SNX8: variants seen among roughly 807,000 people sequenced by gnomAD.
SNX8 encodes sorting nexin 8.
Under a neutral mutation model 51.6 loss-of-function variants are expected in SNX8, and 25 were observed. The ratio of observed to expected loss-of-function variants is 0.48; its 90% confidence interval spans 0.35 to 0.68. The LOEUF is 0.68. Among genes scored for constraint, SNX8 ranks in the 30% least tolerant of loss-of-function variants. The pLI, the probability that SNX8 is intolerant of heterozygous loss-of-function variation, is 0.00. For missense variants in SNX8, 695 were observed against 624.0 expected (o/e 1.11, Z -1.21); for synonymous variants, 324 against 277.0 (o/e 1.17, Z -1.68).
intron 3 of SNX8, among the ~76,000 whole-genome samples, chr7:2,272,645 A>G (rs1307752906): frequency 1.3e-5 from 2 of 150,788 alleles, no homozygotes; most frequent in African/African-American, 4.9e-5. Flanking sequence ...CAAAGTGCTG[A>G]TATTACAGGC....
At chr7:2,323,150 T>C (rs752303335) in intron 1 of SNX8, among the ~76,000 whole-genome samples, 32 of 151,700 alleles carry the variant, frequency 2.1e-4, no homozygotes, top group Non-Finnish European at 4.3e-4. Context: ...GCCAATACGG[T>C]GAAACCCCAT....
At chr7:2,310,173 C>T (rs559003775) in intron 1 of SNX8, among the ~76,000 whole-genome samples, 4 of 152,172 alleles carry the variant, frequency 2.6e-5, no homozygotes, top group Middle Eastern at 6.8e-3. Flanking sequence ...TCAGGCTGGA[C>T]GACCAAGCAC....
intron 1 of SNX8, among the ~76,000 whole-genome samples, chr7:2,344,999 C>A (rs958148397): frequency 6.6e-6 from 1 of 152,170 alleles, no homozygotes; most frequent in Non-Finnish European, 1.5e-5. Context: ...AATATTCCCA[C>A]ACTGCTGGAG....
intron 1 of SNX8, among the ~76,000 whole-genome samples, chr7:2,352,622 G>T (rs1313405979): frequency 3.9e-5 from 6 of 151,912 alleles, no homozygotes; most frequent in Non-Finnish European, 8.8e-5. Flanking sequence ...CACAAGGTCA[G>T]GAGATCGAGA....
chr7:2,344,611 C>A (rs369917507), intron 1 of SNX8, among the ~76,000 whole-genome samples: 169 of 134,200 alleles, frequency 1.3e-3, no homozygotes, highest in Admixed American at 1.8e-3. Context: ...GACTCCAACT[C>A]AAAAAAAAAA....
At chr7:2,322,323 A>G (rs923387172) in intron 1 of SNX8, among the ~76,000 whole-genome samples, 9 of 152,284 alleles carry the variant, frequency 5.9e-5, no homozygotes, top group Admixed American at 3.3e-4. Context: ...GCTTCAGTCC[A>G]GGAGGTGGAA....
intron 1 of SNX8, among the ~76,000 whole-genome samples, chr7:2,336,390 G>A (rs759192092): frequency 5.5e-4 from 83 of 151,292 alleles, no homozygotes; most frequent in Admixed American, 9.9e-4. Flanking sequence ...ACTTCAGCCT[G>A]TCTCAAAAAT....
At chr7:2,291,804 T>G (rs1796158165) in intron 1 of SNX8, among the ~76,000 whole-genome samples, 1 of 152,142 alleles carries the variant, frequency 6.6e-6, no homozygotes, top group African/African-American at 2.4e-5. Flanking sequence ...TTCACTCTCC[T>G]TTTTGAACCT....
intron 1 of SNX8, among the ~76,000 whole-genome samples, chr7:2,312,590 T>G (rs575828384): frequency 9.9e-4 from 151 of 152,240 alleles, no homozygotes; most frequent in African/African-American, 3.6e-3. Flanking sequence ...AGACACAGTC[T>G]TCACATCGAG....
At chr7:2,258,008 C>CTT (rs59062161) in intron 7 of SNX8, among the ~76,000 whole-genome samples, 4,698 of 126,590 alleles carry the variant, frequency 0.037, 270 homozygotes, top group African/African-American at 0.1. Context: ...GCCCAGCAGT[C>CTT]TTTTTTTTTT....
rs1404372188 is a variant in SNX8, at chr7:2,267,537, C to T, written c.621+2022G>A. On this transcript the variant is annotated intron_variant, in intron 5 of 10. Coordinates refer to ENST00000222990, the MANE Select transcript of SNX8 (RefSeq NM_013321.4). ...CTGTGTTGGCCGGGCCGGTCTCCAG[C>T]CCCTAACCGCGAGTGATCCGCCAAC... 3.0e-5 allele frequency among the ~76,000 whole-genome samples: 4 copies of T among 132,882 alleles called. No homozygotes were observed. The Admixed American group carries it at 3.1e-4, about 10-fold the overall frequency. The allele number at this position is 132,882 out of a possible 152,430, so 87.2% of individuals were successfully genotyped here.
chr7:2,330,198 C>T (rs1174197578), intron 1 of SNX8, among the ~76,000 whole-genome samples: 12 of 136,762 alleles, frequency 8.8e-5, no homozygotes, highest in Non-Finnish European at 1.5e-4. Flanking sequence ...AGTGCAGTGG[C>T]GGCATCTCGG....
rs190813192 is a variant in SNX8 at position 2,313,189 on chromosome 7, G to A, written c.94+1139C>T. On this transcript the variant is annotated intron_variant, in intron 1 of 10. Coordinates refer to ENST00000222990, the MANE Select transcript of SNX8 (RefSeq NM_013321.4). ...GCTGAGATTACAAGCGTGAGCCACC[G>A]TGCCCAGCCATGTTTAGCCTCATTA... is the stretch of plus-strand genomic sequence containing the variant. 2.8e-3 allele frequency among the ~76,000 whole-genome samples: 421 copies of A among 151,992 alleles called. 1 individual carries two copies. Among genetic ancestry groups the A allele is most frequent in the African/African-American group, 9.5e-3 (395 of 41,500 alleles).
intron 7 of SNX8, among the ~76,000 whole-genome samples, chr7:2,258,050 G>A (rs1469684836): frequency 5.7e-5 from 8 of 140,946 alleles, no homozygotes; most frequent in Middle Eastern, 3.8e-3. Context: ...TCGCTCTGTC[G>A]CCCAGGCTGG....
chr7:2,337,851 G>GGAAAA (rs1391044621), intron 1 of SNX8, among the ~76,000 whole-genome samples: 1 of 53,096 alleles, frequency 1.9e-5, no homozygotes, highest in Non-Finnish European at 4.9e-5. Context: ...AGGATATCTT[G>GGAAAA]TAAAAAAAAA....
At chr7:2,283,330 C>A (rs1214661161) in intron 1 of SNX8, among the ~76,000 whole-genome samples, 20 of 152,322 alleles carry the variant, frequency 1.3e-4, no homozygotes, top group Admixed American at 1.1e-3. Context: ...CCGCCCCGGA[C>A]TGGCCCGCAC....
At chr7:2,266,932 A>G (rs1795477067) in intron 5 of SNX8, among the ~76,000 whole-genome samples, 1 of 152,290 alleles carries the variant, frequency 6.6e-6, no homozygotes, top group Admixed American at 6.5e-5. Flanking sequence ...AACAAATGTA[A>G]CAATGAATCC....
intron 1 of SNX8, among the ~76,000 whole-genome samples, chr7:2,346,938 A>G (rs1025600399): frequency 8.0e-5 from 12 of 149,782 alleles, no homozygotes; most frequent in East Asian, 7.8e-4. Flanking sequence ...AAAAAAAAAA[A>G]AAAGAAAAAA....
At position 2,256,998 on chromosome 7, in the gene SNX8, T is replaced by A. The variant is rs138040233; in HGVS notation, c.1160A>T (p.Glu387Val). The A allele has an allele frequency of 1.9e-6, 3 of 1,610,702 alleles. No individual in the cohort carries two copies. The highest frequency in any genetic ancestry group is 2.5e-6 in the Non-Finnish European group (3 of 1,178,168). The stretch of plus-strand genomic sequence containing the variant: ...GTACAGGGAGAAGTAGTTCCGCAGC[T>A]CCATCGTCTGAATCGCGTTCTCCTG... ...VEQENAIQTM[E>V]LRNYFSLYCL... Residue 387 changes from glutamate (E) to valine (V), a missense_variant, in exon 10 of 11, where the codon GAG (glutamate) becomes GTG (valine). Glu to Val is a moderately radical substitution (Grantham distance 121). Transcript: ENST00000222990.
Sources: gnomAD v4.1 joint callset for allele counts (sites outside exome capture counted in the v4.1 genomes callset) on GRCh38, gnomAD v4.1.1 for gene constraint, MANE v1.5 for transcripts, NCBI Gene and HGNC (gene_info 2026-07-23, HGNC 2026-07-21) for gene names.